Variants in STAU2 observed in about 807,000 individuals in gnomAD.
STAU2 encodes the protein staufen double-stranded RNA binding protein 2.
STAU2 carries 20 observed loss-of-function variants against 65.9 expected under a neutral mutation model. The observed-to-expected ratio is 0.30, with a 90% CI of 0.21 to 0.44. The LOEUF is 0.44. STAU2 is among the 20% of genes least tolerant of loss of function. The probability of loss-of-function intolerance (pLI) is 1.00; values close to 1 mark genes in which losing one functional copy is unlikely to be tolerated. For synonymous variants in STAU2, 232 were observed against 233.9 expected (o/e 0.99, Z 0.07); for missense variants, 558 against 683.9 (o/e 0.82, Z 2.05).
intron 13 of STAU2, among the ~76,000 whole-genome samples, chr8:73,524,528 G>T (rs1019368981): frequency 1.3e-5 from 2 of 152,106 alleles, no homozygotes; most frequent in Non-Finnish European, 2.9e-5. Flanking sequence ...ACCAGGTAAT[G>T]TATTCAATTT....
intron 13 of STAU2, among the ~76,000 whole-genome samples, chr8:73,456,537 G>T (rs904161346): frequency 6.6e-6 from 1 of 152,144 alleles, no homozygotes; most frequent in African/African-American, 2.4e-5. Flanking sequence ...CTAAGTGGGA[G>T]GGGGAGGGAG....
chr8:73,670,256 C>T (rs1387508388), intron 6 of STAU2, among the ~76,000 whole-genome samples: 1 of 151,966 alleles, frequency 6.6e-6, no homozygotes, highest in Non-Finnish European at 1.5e-5. Flanking sequence ...GTATGCATCA[C>T]AATTAGAAGC....
chr8:73,524,158 T>C (rs979851743), intron 13 of STAU2, among the ~76,000 whole-genome samples: 1 of 152,144 alleles, frequency 6.6e-6, no homozygotes, highest in African/African-American at 2.4e-5. Flanking sequence ...TAAACTAGAA[T>C]GGTAAAATTG....
At chr8:73,438,932 G>A (rs1247763389) in intron 13 of STAU2, 2 of 456,522 alleles carry the variant, frequency 4.4e-6, no homozygotes, top group East Asian at 6.9e-5. Context: ...CCGCTGTTAG[G>A]AGGACACATT....
intron 10 of STAU2, among the ~76,000 whole-genome samples, chr8:73,602,858 T>C (rs542862078): frequency 5.9e-5 from 9 of 152,180 alleles, no homozygotes; most frequent in African/African-American, 2.2e-4. Flanking sequence ...CTTAGAAACA[T>C]ACACTGAATA....
chr8:73,689,674 G>A (rs1819189445), intron 4 of STAU2, among the ~76,000 whole-genome samples: 1 of 151,886 alleles, frequency 6.6e-6, no homozygotes, highest in Non-Finnish European at 1.5e-5. Flanking sequence ...GCGCATAATT[G>A]GTTTCACTCC....
intron 13 of STAU2, among the ~76,000 whole-genome samples, chr8:73,486,588 C>A (rs1319346385): frequency 1.3e-5 from 2 of 148,760 alleles, no homozygotes; most frequent in African/African-American, 2.5e-5. Context: ...AAAATCCTTT[C>A]TCTTTTTCCT....
chr8:73,730,593 G>A (rs1294495762), intron 3 of STAU2, among the ~76,000 whole-genome samples: 1 of 151,992 alleles, frequency 6.6e-6, no homozygotes, highest in Non-Finnish European at 1.5e-5. Context: ...TGGGTGTGGT[G>A]GTGGACACCT....
chr8:73,522,094 C>G (rs929910695), intron 13 of STAU2, among the ~76,000 whole-genome samples: 5 of 152,132 alleles, frequency 3.3e-5, no homozygotes, highest in African/African-American at 4.8e-5. Flanking sequence ...AGTGTTTTTA[C>G]TAAGCTACAT....
At chr8:73,559,191 C>T (rs914286230) in intron 12 of STAU2, among the ~76,000 whole-genome samples, 6 of 152,158 alleles carry the variant, frequency 3.9e-5, no homozygotes, top group African/African-American at 9.7e-5. Context: ...AGCTGAGTGA[C>T]GGGTACATGC....
intron 13 of STAU2, among the ~76,000 whole-genome samples, chr8:73,471,065 C>A (rs986648452): frequency 7.2e-5 from 11 of 152,074 alleles, no homozygotes; most frequent in Admixed American, 2.0e-4. Context: ...AATCAGTACT[C>A]CCTAATGCTA....
chr8:73,595,522 T>C (rs1025565529), intron 10 of STAU2, among the ~76,000 whole-genome samples: 8 of 152,186 alleles, frequency 5.3e-5, no homozygotes, highest in African/African-American at 1.4e-4. Flanking sequence ...TAGAATTTTA[T>C]AGAATTTTTA....
At chr8:73,703,789 T>C (rs181271274) in intron 4 of STAU2, among the ~76,000 whole-genome samples, 1 of 152,324 alleles carries the variant, frequency 6.6e-6, no homozygotes, top group African/African-American at 2.4e-5. Context: ...GATTAGTAGC[T>C]GTGTGGGGTC....
intron 14 of STAU2, among the ~76,000 whole-genome samples, chr8:73,422,079 A>G (rs902008983): frequency 6.6e-6 from 1 of 152,112 alleles, no homozygotes; most frequent in African/African-American, 2.4e-5. Context: ...AGAAATAATT[A>G]CGACAGCTGC....
At chr8:73,598,945 A>G (rs1811417546) in intron 10 of STAU2, among the ~76,000 whole-genome samples, 1 of 152,084 alleles carries the variant, frequency 6.6e-6, no homozygotes, top group Non-Finnish European at 1.5e-5. Flanking sequence ...AATCTTCTAC[A>G]TAGAAAACAA....
chr8:73,555,189 T>TGAC lies in STAU2; in HGVS notation c.1223-2873_1223-2871dup, dbSNP rs1350987026. Among the ~76,000 whole-genome samples the TGAC allele has an allele frequency of 2.0e-5, 3 of 152,118 alleles. No homozygotes were observed. The East Asian group carries it at 5.8e-4, about 29-fold the overall frequency. On this transcript the variant is annotated intron_variant, in intron 12 of 14. Transcript: ENST00000524300. ...AAGCTCAGGGAAGGCTTGCTGGAGA[T>TGAC]GACGATGACAGTAAATTTCAAAGGA...
At position 73,479,198 on chromosome 8, in the gene STAU2, C is replaced by A. The variant is rs189175530; in HGVS notation, c.1531-56496G>T. Among the ~76,000 whole-genome samples the A allele has an allele frequency of 2.1e-3, 318 of 152,262 alleles. 2 individuals carry two copies. Among genetic ancestry groups the A allele is most frequent in the African/African-American group, 7.4e-3 (308 of 41,560 alleles). ...TCCAAAGAACAAGGACTCATAACTACATCACTGTCGTACCTTTAAAAAGTT... is the reference window on the plus strand; with the variant it reads ...TCCAAAGAACAAGGACTCATAACTAAATCACTGTCGTACCTTTAAAAAGTT... On this transcript the variant is annotated intron_variant, in intron 13 of 14. Coordinates refer to ENST00000524300, the MANE Select transcript of STAU2 (RefSeq NM_001164380.2).
rs188503154 is a variant in STAU2, at chr8:73,593,772, T to C, written c.1161+1394A>G. 2.1e-3 allele frequency among the ~76,000 whole-genome samples: 323 copies of C among 152,122 alleles called. 3 individuals are homozygous for C. Among genetic ancestry groups the C allele is most frequent in the African/African-American group, 7.1e-3 (296 of 41,488 alleles). ...TTTTTGGACTGAAATTTCAACTCTTTCCTGAGTCTCCATCCTGTCAGGCTG... is the reference window on the plus strand; with the variant it reads ...TTTTTGGACTGAAATTTCAACTCTTCCCTGAGTCTCCATCCTGTCAGGCTG... On this transcript the variant is annotated intron_variant, in intron 11 of 14. Coordinates refer to ENST00000524300, the MANE Select transcript of STAU2 (RefSeq NM_001164380.2).
At chr8:73,551,374 A>C (rs961516420) in intron 13 of STAU2, 1 of 987,004 alleles carries the variant, frequency 1.0e-6, no homozygotes, top group African/African-American at 1.7e-5. Flanking sequence ...TGTTGGTACT[A>C]TCTGAGGCAG....
Sources: gnomAD v4.1 joint callset for allele counts (sites outside exome capture counted in the v4.1 genomes callset) on GRCh38, gnomAD v4.1.1 for gene constraint, MANE v1.5 for transcripts, NCBI Gene and HGNC (gene_info 2026-07-23, HGNC 2026-07-21) for gene names.